Variants in ELP6 observed in about 807,000 individuals in gnomAD.
The protein encoded by ELP6 is elongator complex protein 6.
A neutral mutation model predicts 28.1 loss-of-function variants in ELP6; 23 were observed. That is an observed-to-expected ratio of 0.82 (90% confidence interval 0.59 to 1.16). The LOEUF (loss-of-function observed/expected upper bound fraction) is 1.16. Ranked by LOEUF, ELP6 falls within the 50% of genes most tolerant of loss-of-function variation. The probability of loss-of-function intolerance (pLI) is 0.00; values close to 1 mark genes in which losing one functional copy is unlikely to be tolerated. For synonymous variants in ELP6, 132 were observed against 135.8 expected (o/e 0.97, Z 0.19); for missense variants, 313 against 334.6 (o/e 0.94, Z 0.50).
At chr3:47,498,461 T>C in intron 5 of ELP6, 29 bp from the exon 6 acceptor site, 1 of 1,606,764 alleles carries the variant, frequency 6.2e-7, no homozygotes. Context: ...GGAAGCCTGC[T>C]CCTTACTGGA....
intron 5 of ELP6, among the ~76,000 whole-genome samples, chr3:47,501,031 G>T (rs1388525720): frequency 1.3e-5 from 2 of 152,102 alleles, no homozygotes; most frequent in African/African-American, 4.8e-5. Flanking sequence ...AGGCACCACA[G>T]CCATTCCTAT....
At chr3:47,513,235 A>C (rs936870409) in intron 1 of ELP6, 1 of 1,241,236 alleles carries the variant, frequency 8.1e-7, no homozygotes, top group Non-Finnish European at 1.0e-6. Context: ...TAGATGATGC[A>C]CCCGCCTCGG....
intron 5 of ELP6, chr3:47,498,774 A>C: frequency 1.1e-6 from 1 of 933,632 alleles, no homozygotes; most frequent in Non-Finnish European, 1.3e-6. Flanking sequence ...ACAGTTCCTG[A>C]ATACTTAAGA....
chr3:47,502,597 G>T, intron 4 of ELP6: 1 of 962,990 alleles, frequency 1.0e-6, no homozygotes, highest in African/African-American at 1.8e-5. Context: ...CACTTTGGGG[G>T]GCCAGCGGGG....
At chr3:47,506,458 A>G (rs1708839758) in intron 3 of ELP6, among the ~76,000 whole-genome samples, 1 of 152,140 alleles carries the variant, frequency 6.6e-6, no homozygotes, top group African/African-American at 2.4e-5. Context: ...TCGACCATAG[A>G]AGACGGCCAT....
chr3:47,496,812 A>G, intron 6 of ELP6: 2 of 985,236 alleles, frequency 2.0e-6, no homozygotes, highest in Non-Finnish European at 1.2e-6. Flanking sequence ...CTTTCTTCTA[A>G]GCATGGTTTT....
rs957012605 is a variant in ELP6 at position 47,503,342 on chromosome 3, C to T, written c.323+988G>A. 7.0e-6 allele frequency: 9 copies of T among 1,289,462 alleles called. No homozygotes were observed. The African/African-American group carries it at 1.2e-4, about 17-fold the overall frequency. 79.9% of individuals were successfully genotyped at this position (1,289,462 alleles called of 1,614,324 possible). On this transcript the variant is annotated intron_variant, in intron 4 of 6. Coordinates refer to ENST00000296149, the MANE Select transcript of ELP6 (RefSeq NM_001031703.3). ...ACAGCAGCCAAGCGGGGAGTCTTCACAGAGCTATGTTTGTGGCCAATGTTC... is the reference window on the plus strand; with the variant it reads ...ACAGCAGCCAAGCGGGGAGTCTTCATAGAGCTATGTTTGTGGCCAATGTTC...
At chr3:47,502,680 AT>A in intron 4 of ELP6, 2 of 437,864 alleles carry the variant, frequency 4.6e-6, no homozygotes, top group Non-Finnish European at 6.1e-6. Flanking sequence ...ACAAAAAAAA[AT>A]TTTTTTAAAT....
At chr3:47,502,048 C>A in intron 4 of ELP6, among the ~76,000 whole-genome samples, 197 bp from the exon 5 acceptor site, 1 of 152,108 alleles carries the variant, frequency 6.6e-6, no homozygotes, top group Admixed American at 6.6e-5. Flanking sequence ...CTGAGGCCTA[C>A]TAGGTATAAA....
chr3:47,510,138 C>G, intron 3 of ELP6, 46 bp downstream of exon 3: 2 of 1,417,142 alleles, frequency 1.4e-6, no homozygotes, highest in Non-Finnish European at 2.0e-6. Context: ...ATGTGTGACA[C>G]ACACACTCAC....
rs1001677042 is a variant in ELP6 at position 47,503,628 on chromosome 3, C to T, written c.323+702G>A. On this transcript the variant is annotated intron_variant, in intron 4 of 6. Coordinates refer to ENST00000296149, the MANE Select transcript of ELP6 (RefSeq NM_001031703.3). ...TTTAAAAAAAGGAATTTTGGCCGGGCGCGGTGGCTCACTCTTGTAATCCCA... is the reference window on the plus strand; with the variant it reads ...TTTAAAAAAAGGAATTTTGGCCGGGTGCGGTGGCTCACTCTTGTAATCCCA... 3.3e-5 allele frequency among the ~76,000 whole-genome samples: 5 copies of T among 152,066 alleles called. No homozygotes were observed. The South Asian group carries it at 6.2e-4, about 19-fold the overall frequency.
At position 47,511,161 on chromosome 3, in the gene ELP6, GGA is replaced by G. The variant is rs772419197; in HGVS notation, c.118_119del (p.Ser40LeufsTer6). 23 of 1,613,902 alleles carry G rather than the reference GGA, an allele frequency of 1.4e-5. No homozygotes were observed. The South Asian group carries it at 2.3e-4, about 16-fold the overall frequency. On this transcript the variant is annotated frameshift_variant, in exon 2 of 7. Coordinates refer to ENST00000296149, the MANE Select transcript of ELP6 (RefSeq NM_001031703.3). LOFTEE classifies it high-confidence loss of function. ...DGSFLVHHFL[S>X]FYLKANCKVC... ...TGAGTCCCATACCTTTGAGATAGAA[GGA>G]GAGAAAGTGGTGTACAAGGAAACTC...
At chr3:47,503,462 T>C (rs1216820835) in intron 4 of ELP6, 1 of 1,287,156 alleles carries the variant, frequency 7.8e-7, no homozygotes, top group African/African-American at 1.5e-5. Context: ...GAAAAGTAAA[T>C]ATTTTAGGCT....
chr3:47,509,283 C>T (rs1464164554), intron 3 of ELP6, among the ~76,000 whole-genome samples: 1 of 152,112 alleles, frequency 6.6e-6, no homozygotes, highest in Non-Finnish European at 1.5e-5. Context: ...TTTTAAAGAT[C>T]ACTGCTGAAG....
intron 6 of ELP6, chr3:47,497,419 C>CCACACCACCA: frequency 1.7e-5 from 14 of 836,220 alleles, no homozygotes; most frequent in African/African-American, 1.8e-5. Flanking sequence ...TCACTGCAAC[C>CCACACCACCA]TCCGCCTCCT....
At chr3:47,496,562 C>A in intron 6 of ELP6, 1 of 849,944 alleles carries the variant, frequency 1.2e-6, no homozygotes, top group Non-Finnish European at 1.4e-6. Context: ...GTGGCGCAAT[C>A]TTGGCTTACT....
intron 6 of ELP6, chr3:47,497,932 A>C (rs1425076565): frequency 1.0e-6 from 1 of 984,608 alleles, no homozygotes; most frequent in Admixed American, 6.2e-5. Flanking sequence ...CTCCGTCTAA[A>C]AAAAAAAGGA....
Position 47,511,148 on chromosome 3 carries a change from C to G in ELP6, c.133G>C (p.Ala45Pro). ...TCTACAGCATCAATGAGTCCCATAC[C>G]TTTGAGATAGAAGGAGAGAAAGTGG... is the stretch of plus-strand genomic sequence containing the variant. Reference protein sequence around the residue: ...VHHFLSFYLKANCKVCFVALI... With the variant: ...VHHFLSFYLKPNCKVCFVALI... The change falls in exon 2 of 7, where the codon GCT (alanine) becomes CCT (proline). Residue 45 changes from alanine (A) to proline (P), a missense_variant and splice_region_variant. By Grantham distance (27) the Ala-to-Pro change is conservative. Coordinates refer to ENST00000296149, the MANE Select transcript of ELP6 (RefSeq NM_001031703.3). 1 of 1,613,696 alleles carries G rather than the reference C, an allele frequency of 6.2e-7. No homozygotes were observed. The highest frequency in any genetic ancestry group is 8.5e-7 in the Non-Finnish European group (1 of 1,179,692).
chr3:47,509,228 C>T (rs965886092), intron 3 of ELP6, among the ~76,000 whole-genome samples: 1 of 152,178 alleles, frequency 6.6e-6, no homozygotes, highest in East Asian at 1.9e-4. Flanking sequence ...TCCCAAAGTG[C>T]TGGGATTACA....
Sources: gnomAD v4.1 joint callset for allele counts (sites outside exome capture counted in the v4.1 genomes callset) on GRCh38, gnomAD v4.1.1 for gene constraint, MANE v1.5 for transcripts, NCBI Gene and HGNC (gene_info 2026-07-23, HGNC 2026-07-21) for gene names.